The following DSCAM variants were observed in gnomAD, a reference collection of about 807,000 sequenced individuals.
The protein encoded by DSCAM is cell adhesion molecule DSCAM.
A neutral mutation model predicts 217.7 loss-of-function variants in DSCAM; 47 were observed. The ratio of observed to expected loss-of-function variants is 0.22; its 90% CI spans 0.17 to 0.28. DSCAM has a LOEUF of 0.28. Ranked by LOEUF, DSCAM falls within the 10% of genes least tolerant of loss-of-function variation. DSCAM has a pLI of 1.00. For synonymous variants in DSCAM, 1,056 were observed against 1,015.3 expected (o/e 1.04, Z -0.76); for missense variants, 2,080 against 2,618.3 (o/e 0.79, Z 4.49).
intron 1 of DSCAM, among the ~76,000 whole-genome samples, chr21:40,771,513 C>T (rs528905417): frequency 3.3e-5 from 5 of 152,174 alleles, no homozygotes; most frequent in Non-Finnish European, 5.9e-5. Context: ...CGCACCTACA[C>T]GGGGGAAGGC....
At chr21:40,558,247 C>T (rs1425414801) in intron 3 of DSCAM, among the ~76,000 whole-genome samples, 1 of 152,020 alleles carries the variant, frequency 6.6e-6, no homozygotes, top group Non-Finnish European at 1.5e-5. Flanking sequence ...GAGATCGAGA[C>T]CATCCTGGTT....
At chr21:40,132,782 G>A (rs183768211) in intron 19 of DSCAM, among the ~76,000 whole-genome samples, 27 of 152,288 alleles carry the variant, frequency 1.8e-4, no homozygotes, top group African/African-American at 3.4e-4. Context: ...AGAGAAGAGC[G>A]TATCATGGCC....
At chr21:40,639,254 C>T (rs1479468827) in intron 3 of DSCAM, among the ~76,000 whole-genome samples, 4 of 152,082 alleles carry the variant, frequency 2.6e-5, no homozygotes, top group Admixed American at 2.6e-4. Context: ...GGATGAGGAG[C>T]CTATTTCTCT....
rs11314417 is a variant in DSCAM, at chr21:40,354,848, CA to C, written c.656-1106del. On this transcript the variant is annotated intron_variant, in intron 4 of 32. Transcript: ENST00000400454. ...TGGGTGAAAGAGAGAAACTCTGTCTCAAAAAAAAAAAAAAAAAAAAAAAAAG... is the reference window on the plus strand; with the variant it reads ...TGGGTGAAAGAGAGAAACTCTGTCTCAAAAAAAAAAAAAAAAAAAAAAAAG... 4.7e-3 allele frequency among the ~76,000 whole-genome samples: 527 copies of C among 112,280 alleles called. 1 individual carries two copies. Among genetic ancestry groups the C allele is most frequent in the African/African-American group, 0.018 (451 of 24,964 alleles). 73.7% of individuals were successfully genotyped at this position (112,280 alleles called of 152,430 possible).
rs1283036436 is a variant in DSCAM, at chr21:40,338,328, C to T, written c.1556G>A (p.Arg519Gln). 3 of 1,614,184 alleles carry T rather than the reference C, an allele frequency of 1.9e-6. No individual in the cohort carries two copies. Among genetic ancestry groups the T allele is most frequent in the Non-Finnish European group, 2.5e-6 (3 of 1,180,020 alleles). ...PMKNITAIAG[R>Q]DTYIHCRVIG... is the part of the protein sequence containing the mutation. ...CACACGACAGTGAATGTATGTGTCC[C>T]GTCCTGCTATTGCTGTGATGTTTTT... The change falls in exon 8 of 33, where the codon CGG becomes CAG. Residue 519 changes from arginine to glutamine, a missense_variant. Transcript: ENST00000400454.
intron 3 of DSCAM, among the ~76,000 whole-genome samples, chr21:40,667,018 C>T (rs2090209924): frequency 6.6e-6 from 1 of 152,178 alleles, no homozygotes. Flanking sequence ...TCATGTATCC[C>T]CACAAAGCAA....
At chr21:40,146,107 C>T (rs903629802) in intron 16 of DSCAM, among the ~76,000 whole-genome samples, 5 of 152,060 alleles carry the variant, frequency 3.3e-5, no homozygotes, top group East Asian at 1.9e-4. Context: ...TGTTTATAAT[C>T]GACCTGCAGA....
chr21:40,643,159 A>G (rs2146344678), intron 3 of DSCAM, among the ~76,000 whole-genome samples: 2 of 152,278 alleles, frequency 1.3e-5, no homozygotes, highest in Admixed American at 1.3e-4. Context: ...TAGGAATAAG[A>G]TCTGTCTGAT....
intron 18 of DSCAM, among the ~76,000 whole-genome samples, chr21:40,134,681 G>C (rs1222520745): frequency 6.6e-6 from 1 of 152,150 alleles, no homozygotes; most frequent in Non-Finnish European, 1.5e-5. Flanking sequence ...TGAGATGGTG[G>C]ACCCGCTGTT....
At chr21:40,186,419 A>C (rs1173917916) in intron 14 of DSCAM, among the ~76,000 whole-genome samples, 1 of 152,156 alleles carries the variant, frequency 6.6e-6, no homozygotes, top group East Asian at 1.9e-4. Flanking sequence ...CTTTTATGAG[A>C]CACAGTAAAA....
rs117309073 is a variant in DSCAM at position 40,433,757 on chromosome 21, A to C, written c.509-64512T>G. On this transcript the variant is annotated intron_variant, in intron 3 of 32. Transcript: ENST00000400454. Reference sequence around the variant, plus strand: ...CACCTGAAGTGGATGATGTCACCTGAGGTAGATGATGTCACCTGAGTTGGA... The same window carrying C: ...CACCTGAAGTGGATGATGTCACCTGCGGTAGATGATGTCACCTGAGTTGGA... 2.5e-3 allele frequency among the ~76,000 whole-genome samples: 380 copies of C among 152,268 alleles called. 4 individuals are homozygous for C. Among genetic ancestry groups the C allele is most frequent in the South Asian group, 0.017 (80 of 4,828 alleles).
intron 10 of DSCAM, among the ~76,000 whole-genome samples, chr21:40,279,279 C>A (rs553495337): frequency 6.6e-6 from 1 of 152,210 alleles, no homozygotes; most frequent in South Asian, 2.1e-4. Flanking sequence ...TCAAAATGTA[C>A]AAAATTCAGA....
At chr21:40,775,182 C>T (rs2091477753) in intron 1 of DSCAM, among the ~76,000 whole-genome samples, 1 of 152,032 alleles carries the variant, frequency 6.6e-6, no homozygotes, top group East Asian at 1.9e-4. Context: ...TATCTAAAAT[C>T]TTGAAAATCA....
chr21:40,755,178 T>A (rs1404058804), intron 1 of DSCAM, among the ~76,000 whole-genome samples: 1 of 152,150 alleles, frequency 6.6e-6, no homozygotes, highest in Non-Finnish European at 1.5e-5. Context: ...CCAGTTACGG[T>A]GGCTCATGCC....
At position 40,347,924 on chromosome 21, in the gene DSCAM, C is replaced by T; in HGVS notation, c.956G>A (p.Ser319Asn). 1 of 1,612,940 alleles carries T rather than the reference C, an allele frequency of 6.2e-7. No individual in the cohort carries two copies. Among genetic ancestry groups the T allele is most frequent in the South Asian group, 1.1e-5 (1 of 91,064 alleles). The stretch of plus-strand genomic sequence containing the variant: ...CACGCTGCTTTTAACCTTCCTGGGA[C>T]TGATGGTGGCTTTCAGTGGCTCTGG... ...YVKQPLKATI[S>N]PRKVKSSVGS... is the part of the protein sequence containing the mutation. Residue 319 changes from serine (S) to asparagine (N), a missense_variant, in exon 6 of 33, where the codon AGT (serine) becomes AAT (asparagine). By Grantham distance (46) the Ser-to-Asn change is conservative. Around this residue, in one of 5 missense-constraint regions of DSCAM, gnomAD observed 568 missense variants for 678.1 expected, o/e 0.84. Transcript: ENST00000400454.
intron 14 of DSCAM, among the ~76,000 whole-genome samples, chr21:40,179,518 G>A (rs998671773): frequency 6.6e-6 from 1 of 152,024 alleles, no homozygotes; most frequent in Non-Finnish European, 1.5e-5. Flanking sequence ...AGTACCCCTG[G>A]GCCCCCCCAA....
chr21:40,733,284 G>C (rs2091031190), intron 1 of DSCAM, among the ~76,000 whole-genome samples: 1 of 152,222 alleles, frequency 6.6e-6, no homozygotes, highest in Non-Finnish European at 1.5e-5. Flanking sequence ...TGACTGATGG[G>C]ACTGAGGAGG....
intron 3 of DSCAM, among the ~76,000 whole-genome samples, chr21:40,571,498 A>AT (rs1285146626): frequency 2.6e-5 from 4 of 152,146 alleles, no homozygotes; most frequent in African/African-American, 9.7e-5. Flanking sequence ...GAACTCAGAG[A>AT]TTTTTTTAGC....
intron 11 of DSCAM, among the ~76,000 whole-genome samples, chr21:40,244,190 C>T (rs1174084920): frequency 1.3e-5 from 2 of 152,278 alleles, no homozygotes; most frequent in East Asian, 3.9e-4. Context: ...GTGGTTCACG[C>T]CTGTAATCCC....
Sources: allele counts gnomAD v4.1 joint callset (sites outside exome capture counted in the v4.1 genomes callset), GRCh38; gene constraint gnomAD v4.1.1; regional missense constraint gnomAD v4.1.1; transcripts MANE v1.5; gene names NCBI Gene and HGNC (gene_info 2026-07-23, HGNC 2026-07-21).